The following FAM13A variants were observed in gnomAD, a reference collection of about 807,000 sequenced individuals.
FAM13A encodes the protein family with sequence similarity 13 member A, also known as protein FAM13A.
A neutral mutation model predicts 129.6 loss-of-function variants in FAM13A; 76 were observed. The observed-to-expected ratio is 0.59, with a 90% CI of 0.49 to 0.71. FAM13A has a LOEUF of 0.71. Among genes scored for constraint, FAM13A ranks in the 30% least tolerant of loss-of-function variants. The pLI is 0.00. For missense variants in FAM13A, 1,108 were observed against 1,249.3 expected (o/e 0.89, Z 1.70); for synonymous variants, 443 against 449.9 (o/e 0.98, Z 0.20).
At chr4:88,839,024 A>C (rs925516375) in intron 7 of FAM13A, among the ~76,000 whole-genome samples, 1 of 151,900 alleles carries the variant, frequency 6.6e-6, no homozygotes, top group African/African-American at 2.4e-5. Context: ...AGAATATTAA[A>C]TGTTCTCTCT....
intron 7 of FAM13A, chr4:88,823,130 G>A: frequency 6.6e-7 from 1 of 1,508,744 alleles, no homozygotes; most frequent in Non-Finnish European, 8.8e-7. Flanking sequence ...GCACCGCACG[G>A]CTGGAGAAAC....
chr4:88,739,491 T>C (rs1739729241), intron 19 of FAM13A, among the ~76,000 whole-genome samples: 1 of 151,748 alleles, frequency 6.6e-6, no homozygotes, highest in South Asian at 2.1e-4. Context: ...ACGTATCATG[T>C]AGGCCAAGCA....
chr4:88,822,400 T>G (rs1732167274), intron 7 of FAM13A, among the ~76,000 whole-genome samples: 5 of 152,210 alleles, frequency 3.3e-5, no homozygotes, highest in Admixed American at 3.3e-4. Flanking sequence ...AAAAACAGTC[T>G]TGCACTCAAT....
intron 1 of FAM13A, among the ~76,000 whole-genome samples, chr4:89,044,285 A>C (rs749762899): frequency 6.6e-6 from 1 of 152,220 alleles, no homozygotes; most frequent in African/African-American, 2.4e-5. Flanking sequence ...TCATTTTTCC[A>C]AATAAGACAT....
intron 7 of FAM13A, among the ~76,000 whole-genome samples, chr4:88,831,651 G>T (rs561039216): frequency 1.3e-5 from 2 of 151,888 alleles, no homozygotes; most frequent in East Asian, 3.9e-4. Flanking sequence ...TAATTATTTG[G>T]GTTATCAAGA....
At chr4:88,767,891 T>C (rs1560937983) in intron 12 of FAM13A, 92 bp downstream of exon 12, 4 of 805,912 alleles carry the variant, frequency 5.0e-6, no homozygotes, top group Non-Finnish European at 8.5e-6. Context: ...TTTAATTCCA[T>C]TCTTTTTAGT....
chr4:89,041,124 G>A (rs1338036519), intron 1 of FAM13A, among the ~76,000 whole-genome samples: 1 of 152,208 alleles, frequency 6.6e-6, no homozygotes, highest in Non-Finnish European at 1.5e-5. Flanking sequence ...AGGTGTTAAT[G>A]AGTACAAACA....
intron 14 of FAM13A, among the ~76,000 whole-genome samples, chr4:88,758,092 T>C (rs1744055262): frequency 6.6e-6 from 1 of 152,130 alleles, no homozygotes; most frequent in African/African-American, 2.4e-5. Context: ...ACTGCTGCAA[T>C]ATCCTCCCTG....
At chr4:88,838,164 G>A (rs1735149269) in intron 7 of FAM13A, among the ~76,000 whole-genome samples, 1 of 143,240 alleles carries the variant, frequency 7.0e-6, no homozygotes, top group African/African-American at 2.7e-5. Flanking sequence ...CATGAATTTC[G>A]GTACCCAAGG....
chr4:88,987,572 A>G (rs1263089338), intron 4 of FAM13A, among the ~76,000 whole-genome samples: 1 of 152,074 alleles, frequency 6.6e-6, no homozygotes, highest in Non-Finnish European at 1.5e-5. Flanking sequence ...ACTTAATCTG[A>G]GGCTGGGCGC....
At chr4:88,878,041 C>A (rs1742857106) in intron 6 of FAM13A, among the ~76,000 whole-genome samples, 1 of 152,002 alleles carries the variant, frequency 6.6e-6, no homozygotes. Context: ...GTAATCCCAG[C>A]ACATTGGAAG....
At chr4:88,958,494 A>T (rs1427205380) in intron 4 of FAM13A, among the ~76,000 whole-genome samples, 1 of 152,224 alleles carries the variant, frequency 6.6e-6, no homozygotes, top group Admixed American at 6.5e-5. Flanking sequence ...TTGACACTTT[A>T]GAGAATGCAA....
chr4:89,030,159 A>G (rs1370476378), intron 1 of FAM13A, among the ~76,000 whole-genome samples: 1 of 152,184 alleles, frequency 6.6e-6, no homozygotes, highest in Non-Finnish European at 1.5e-5. Flanking sequence ...ATCTGTAAAT[A>G]TCTCAGTAAT....
intron 6 of FAM13A, among the ~76,000 whole-genome samples, chr4:88,851,458 A>G (rs1334629674): frequency 3.3e-5 from 5 of 152,034 alleles, no homozygotes; most frequent in Non-Finnish European, 7.4e-5. Flanking sequence ...AATCTTCCCC[A>G]GGCCCACCCC....
chr4:88,739,141 G>A lies in FAM13A; in HGVS notation c.2467-16C>T, dbSNP rs771789121. On this transcript the variant is annotated splice_polypyrimidine_tract_variant and intron_variant, in intron 19 of 23. Transcript: ENST00000264344. ...TCTTTGTTACCTGAAAAGCAAGAAT[G>A]AGAGCTATGAGAAGCCTGCTGCTGG... The A allele has an allele frequency of 1.9e-6, 3 of 1,575,840 alleles. No individual in the cohort carries two copies. Among genetic ancestry groups the A allele is most frequent in the South Asian group, 2.2e-5 (2 of 90,290 alleles).
At chr4:88,792,258 C>G (rs1725339776) in intron 8 of FAM13A, among the ~76,000 whole-genome samples, 1 of 151,874 alleles carries the variant, frequency 6.6e-6, no homozygotes, top group South Asian at 2.1e-4. Flanking sequence ...AAATAACTTA[C>G]CCACAGCCAT....
rs761438394 is a variant in FAM13A, at chr4:88,781,253, A to G, written c.1370T>C (p.Phe457Ser). 6.2e-7 allele frequency: 1 copy of G among 1,612,884 alleles called. No homozygotes were observed. Among genetic ancestry groups the G allele is most frequent in the Non-Finnish European group, 8.5e-7 (1 of 1,179,434 alleles). Residue 457 changes from phenylalanine to serine, a missense_variant, in exon 11 of 24, where the codon TTT becomes TCT. Physicochemically the swap from Phe to Ser is radical, Grantham distance 155. This residue lies in a region of FAM13A where 566 missense variants were observed against 595.7 expected (regional missense o/e 0.95). Transcript: ENST00000264344. ...CTTGCTCCTTTCTCCAGCACAACCAAAAGTATTTTTGTGTACCTTTTCGAC... is the reference window on the plus strand; with the variant it reads ...CTTGCTCCTTTCTCCAGCACAACCAGAAGTATTTTTGTGTACCTTTTCGAC... ...QEVEKVHKNT[F>S]GCAGERSKPK...
intron 8 of FAM13A, among the ~76,000 whole-genome samples, chr4:88,793,011 T>C (rs1473269700): frequency 6.6e-6 from 1 of 152,038 alleles, no homozygotes; most frequent in African/African-American, 2.4e-5. Flanking sequence ...CACTTGTTAA[T>C]ACAGACTGTG....
chr4:88,951,706 A>G (rs535758583), intron 4 of FAM13A, among the ~76,000 whole-genome samples: 4 of 152,284 alleles, frequency 2.6e-5, no homozygotes, highest in Non-Finnish European at 5.9e-5. Flanking sequence ...CCAATGTTCA[A>G]TTAAAGTTCT....
Sources: allele counts gnomAD v4.1 joint callset (sites outside exome capture counted in the v4.1 genomes callset), GRCh38; gene constraint gnomAD v4.1.1; regional missense constraint gnomAD v4.1.1; transcripts MANE v1.5; gene names NCBI Gene and HGNC (gene_info 2026-07-23, HGNC 2026-07-21).